Variants in ITGB3BP observed in about 807,000 individuals in gnomAD.
ITGB3BP encodes centromere protein R.
ITGB3BP carries 27 observed loss-of-function variants against 29.1 expected under a neutral mutation model. The observed-to-expected ratio is 0.93, with a 90% CI of 0.68 to 1.28. The LOEUF (loss-of-function observed/expected upper bound fraction) is 1.28, where lower values mean the gene tolerates loss of function less well. Ranked by LOEUF, ITGB3BP falls within the 50% of genes most tolerant of loss-of-function variation. The pLI, the probability that ITGB3BP is intolerant of heterozygous loss-of-function variation, is 0.00. For missense variants in ITGB3BP, 192 were observed against 200.2 expected, an observed-to-expected ratio of 0.96 and a Z score of 0.25; for synonymous variants, 61 against 61.4, an observed-to-expected ratio of 0.99 and a Z score of 0.03.
chr1:63,523,139 G>T lies in ITGB3BP; in HGVS notation c.-6C>A, dbSNP rs1646501316. 6.2e-7 allele frequency: 1 copy of T among 1,614,068 alleles called. No individual in the cohort carries two copies. Among genetic ancestry groups the T allele is most frequent in the South Asian group, 1.1e-5 (1 of 91,090 alleles). On this transcript the variant is annotated 5_prime_UTR_variant, in exon 1 of 9. Transcript: ENST00000271002. ...GGAGGAGATACCTACGGCATTCTGA[G>T]ATTCGGGAAAGCACCACTGCCGCTG...
intron 7 of ITGB3BP, chr1:63,447,083 G>A (rs1342036693): frequency 1.4e-5 from 7 of 502,196 alleles, no homozygotes; most frequent in Non-Finnish European, 2.5e-5. Flanking sequence ...AAACTTCCAA[G>A]ACATTTATTA....
chr1:63,502,646 T>C (rs1413869636), intron 2 of ITGB3BP, among the ~76,000 whole-genome samples: 1 of 150,308 alleles, frequency 6.7e-6, no homozygotes, highest in Non-Finnish European at 1.5e-5. Flanking sequence ...GTATATCTCC[T>C]AATGCTATCC....
chr1:63,514,960 A>G (rs1368736503), intron 1 of ITGB3BP, among the ~76,000 whole-genome samples: 8 of 151,558 alleles, frequency 5.3e-5, no homozygotes, highest in African/African-American at 1.2e-4. Flanking sequence ...AAAAAAAAAA[A>G]AAAAGAAAAA....
chr1:63,469,898 C>T (rs1040307420), intron 4 of ITGB3BP, among the ~76,000 whole-genome samples: 9 of 152,216 alleles, frequency 5.9e-5, no homozygotes, highest in Admixed American at 2.0e-4. Context: ...GTAACGCCCA[C>T]GCTGTAAGGT....
At chr1:63,513,839 C>T (rs9436240) in intron 1 of ITGB3BP, among the ~76,000 whole-genome samples, 144,864 of 152,232 alleles carry the variant, frequency 0.95, 69,338 homozygotes, top group East Asian at 1. Flanking sequence ...TAACACATAC[C>T]ACCATGGAAA....
chr1:63,528,429 G>A (rs188078641), intron 2 of ITGB3BP, among the ~76,000 whole-genome samples: 32 of 152,120 alleles, frequency 2.1e-4, no homozygotes, highest in Admixed American at 1.8e-3. Flanking sequence ...GGTTACCAGA[G>A]GCTGAGAAAG....
chr1:63,453,324 A>G (rs759484011), intron 7 of ITGB3BP, among the ~76,000 whole-genome samples: 31 of 152,166 alleles, frequency 2.0e-4, no homozygotes, highest in Non-Finnish European at 4.4e-4. Flanking sequence ...AATGGCATTC[A>G]TGTAGGTACT....
upstream of ITGB3BP, chr1:63,523,271 G>A: frequency 2.7e-6 from 3 of 1,119,268 alleles, no homozygotes; most frequent in Non-Finnish European, 2.7e-6. Context: ...GCGGCCGGGC[G>A]GAAACATCCT....
At chr1:63,522,835 G>T in intron 1 of ITGB3BP, 1 of 545,458 alleles carries the variant, frequency 1.8e-6, no homozygotes, top group East Asian at 4.0e-5. Context: ...CCCATCCTGT[G>T]TGTCAACCTT....
intron 7 of ITGB3BP, among the ~76,000 whole-genome samples, chr1:63,448,610 C>CT (rs1047801644): frequency 2.6e-5 from 4 of 151,894 alleles, no homozygotes; most frequent in African/African-American, 7.3e-5. Context: ...TTATCTAACT[C>CT]TTTTTTTGTG....
chr1:63,458,757 C>T (rs1241974220), intron 4 of ITGB3BP, among the ~76,000 whole-genome samples: 2 of 152,086 alleles, frequency 1.3e-5, no homozygotes, highest in Non-Finnish European at 2.9e-5. Flanking sequence ...CTGTTACAAC[C>T]TGTGTTAACT....
chr1:63,493,091 C>CACACAT (rs1184397513), intron 2 of ITGB3BP, among the ~76,000 whole-genome samples: 10 of 150,392 alleles, frequency 6.6e-5, no homozygotes, highest in Admixed American at 5.9e-4. Context: ...CACACACACG[C>CACACAT]GCGCGCGCGC....
At chr1:63,510,142 A>G in intron 1 of ITGB3BP, 6 of 627,646 alleles carry the variant, frequency 9.6e-6, no homozygotes, top group Non-Finnish European at 1.8e-5. Context: ...GTGAACGGAA[A>G]TCGTGCCATT....
At chr1:63,525,608 C>A, upstream of ITGB3BP, 1 of 1,573,280 alleles carries the variant, frequency 6.4e-7, no homozygotes. Context: ...CAACTTTCTC[C>A]AGTCAGAAAT....
At chr1:63,461,780 T>C (rs1404969594) in intron 4 of ITGB3BP, among the ~76,000 whole-genome samples, 1 of 152,200 alleles carries the variant, frequency 6.6e-6, no homozygotes, top group Non-Finnish European at 1.5e-5. Flanking sequence ...TGGCCATAGA[T>C]GTATGCATTT....
chr1:63,517,931 C>T (rs181304449), intron 1 of ITGB3BP, among the ~76,000 whole-genome samples: 9 of 152,202 alleles, frequency 5.9e-5, no homozygotes, highest in Non-Finnish European at 1.2e-4. Context: ...CCATATTGCC[C>T]AGGCTAATCT....
intron 4 of ITGB3BP, among the ~76,000 whole-genome samples, chr1:63,470,772 CTG>C (rs141142502): frequency 0.022 from 3,334 of 152,254 alleles, 123 homozygotes; most frequent in African/African-American, 0.076. Context: ...GGTATATACC[CTG>C]AAGTGGAATT....
chr1:63,452,044 T>C (rs1227593641), intron 7 of ITGB3BP: 1 of 152,128 alleles, frequency 6.6e-6, no homozygotes. Flanking sequence ...AATCTGGTAA[T>C]GGGCAAGTCA....
chr1:63,494,349 C>T (rs1645737226), intron 2 of ITGB3BP, among the ~76,000 whole-genome samples: 1 of 152,170 alleles, frequency 6.6e-6, no homozygotes. Context: ...CAACTCCTGA[C>T]CTCAAATGAT....
Sources: allele counts gnomAD v4.1 joint callset (sites outside exome capture counted in the v4.1 genomes callset), GRCh38; gene constraint gnomAD v4.1.1; transcripts MANE v1.5; gene names NCBI Gene and HGNC (gene_info 2026-07-23, HGNC 2026-07-21).